Variants in IQGAP2 observed in about 807,000 individuals in gnomAD.
IQGAP2 encodes the protein ras GTPase-activating-like protein IQGAP2.
Under a neutral mutation model 201.3 loss-of-function variants are expected in IQGAP2, and 173 were observed. The ratio of observed to expected loss-of-function variants is 0.86; its 90% CI spans 0.76 to 0.98. The LOEUF (loss-of-function observed/expected upper bound fraction) is 0.98. Ranked by LOEUF, IQGAP2 falls within the 50% of genes least tolerant of loss-of-function variation. The pLI, the probability that IQGAP2 is intolerant of heterozygous loss-of-function variation, is 0.00. For missense variants in IQGAP2, 1,687 were observed against 1,864.8 expected, an observed-to-expected ratio of 0.90 and a Z score of 1.76; for synonymous variants, 675 against 673.9, an observed-to-expected ratio of 1.00 and a Z score of -0.03.
intron 2 of IQGAP2, among the ~76,000 whole-genome samples, chr5:76,529,180 T>G (rs956238354): frequency 6.6e-6 from 1 of 152,218 alleles, no homozygotes; most frequent in Non-Finnish European, 1.5e-5. Context: ...GATATCTGGT[T>G]AGTTTCTTTG....
chr5:76,521,147 G>T (rs1758658273), intron 2 of IQGAP2, among the ~76,000 whole-genome samples: 1 of 152,104 alleles, frequency 6.6e-6, no homozygotes, highest in East Asian at 1.9e-4. Context: ...CTTCCTAACA[G>T]AAATGTTTTC....
rs369242914 is a variant in IQGAP2, at chr5:76,673,429, T to C, written c.3069-20T>C. On this transcript the variant is annotated intron_variant, in intron 24 of 35. Transcript: ENST00000274364. ...CTTGTACCTAAGCCTCCAGTTAATT[T>C]AAAGCCTTTGTGTTTTCAGCAAGTT... is the stretch of plus-strand genomic sequence containing the variant. The C allele has an allele frequency of 2.1e-5, 34 of 1,608,230 alleles. No homozygotes were observed. In the African/African-American group the frequency reaches 4.6e-4, roughly 22 times the overall value.
intron 13 of IQGAP2, chr5:76,617,829 T>A (rs1226480073): frequency 2.5e-6 from 4 of 1,613,890 alleles, no homozygotes; most frequent in Admixed American, 3.3e-5. Context: ...CCATCTATGA[T>A]CGTATGCATT....
chr5:76,437,335 G>A (rs567652188), intron 1 of IQGAP2, among the ~76,000 whole-genome samples: 2 of 152,076 alleles, frequency 1.3e-5, no homozygotes, highest in South Asian at 4.2e-4. Context: ...TTATAGGCGT[G>A]AGCCACCATG....
intron 20 of IQGAP2, among the ~76,000 whole-genome samples, 196 bp from the exon 21 acceptor site, chr5:76,658,263 T>G (rs903906087): frequency 3.3e-5 from 5 of 152,104 alleles, no homozygotes; most frequent in Non-Finnish European, 7.4e-5. Context: ...CAGATATCTG[T>G]TTTGTGCGTT....
intron 2 of IQGAP2, among the ~76,000 whole-genome samples, chr5:76,489,420 C>T (rs1343347655): frequency 6.6e-6 from 1 of 152,128 alleles, no homozygotes; most frequent in Non-Finnish European, 1.5e-5. Flanking sequence ...ACCCCACCCC[C>T]ATCCCTGACC....
At position 76,591,383 on chromosome 5, in the gene IQGAP2, C is replaced by G. The variant is rs545884405; in HGVS notation, c.819+797C>G. 2.7e-5 allele frequency among the ~76,000 whole-genome samples: 4 copies of G among 150,532 alleles called. No individual in the cohort carries two copies. In the East Asian group the frequency reaches 7.7e-4, roughly 29 times the overall value. ...AGGATGTCCCTCCTGTACAAGACAG[C>G]CTGCTCCTAATCGTAACTCCATTTG... On this transcript the variant is annotated intron_variant, in intron 8 of 35. Coordinates refer to ENST00000274364, the MANE Select transcript of IQGAP2 (RefSeq NM_006633.5).
intron 1 of IQGAP2, among the ~76,000 whole-genome samples, chr5:76,446,807 C>T (rs1000012932): frequency 2.0e-5 from 3 of 152,300 alleles, no homozygotes; most frequent in East Asian, 1.9e-4. Context: ...TATGAACAGA[C>T]TTAGCATATC....
At chr5:76,457,044 C>T in intron 1 of IQGAP2, among the ~76,000 whole-genome samples, 1 of 152,212 alleles carries the variant, frequency 6.6e-6, no homozygotes, top group East Asian at 1.9e-4. Flanking sequence ...GGCTGGAATA[C>T]AGTGGCGCGA....
chr5:76,586,348 TAA>T (rs532292018), intron 5 of IQGAP2, among the ~76,000 whole-genome samples: 18 of 141,598 alleles, frequency 1.3e-4, no homozygotes, highest in African/African-American at 1.8e-4. Context: ...ACACATATGG[TAA>T]AAAAAAAAAA....
intron 14 of IQGAP2, among the ~76,000 whole-genome samples, chr5:76,631,544 A>G (rs1006688265): frequency 2.0e-5 from 3 of 152,316 alleles, no homozygotes; most frequent in East Asian, 1.9e-4. Context: ...TTACAGCTAC[A>G]TATCTATGTT....
intron 9 of IQGAP2, among the ~76,000 whole-genome samples, chr5:76,596,560 A>T (rs1309349862): frequency 6.6e-6 from 1 of 152,188 alleles, no homozygotes; most frequent in African/African-American, 2.4e-5. Context: ...AGACTGGGTA[A>T]TTTATGAAGA....
intron 22 of IQGAP2, among the ~76,000 whole-genome samples, chr5:76,667,116 A>G (rs993003366): frequency 1.3e-5 from 2 of 152,142 alleles, no homozygotes; most frequent in African/African-American, 2.4e-5. Flanking sequence ...TCTCTTCAGT[A>G]TGAACCTAAA....
intron 1 of IQGAP2, 70 bp from the exon 2 acceptor site, chr5:76,461,500 T>A: frequency 9.8e-7 from 1 of 1,025,068 alleles, no homozygotes. Flanking sequence ...GATTTTTTTC[T>A]GATTGATTGT....
At chr5:76,632,666 A>G (rs2150386548) in intron 15 of IQGAP2, among the ~76,000 whole-genome samples, 1 of 152,254 alleles carries the variant, frequency 6.6e-6, no homozygotes, top group South Asian at 2.1e-4. Flanking sequence ...TTTATTAAGC[A>G]CCTACTATTT....
intron 2 of IQGAP2, among the ~76,000 whole-genome samples, chr5:76,468,248 G>C (rs574507131): frequency 6.6e-6 from 1 of 152,182 alleles, no homozygotes; most frequent in South Asian, 2.1e-4. Flanking sequence ...AGATACACGA[G>C]ATATCTAAAT....
chr5:76,650,919 A>C (rs1198504080), intron 17 of IQGAP2, among the ~76,000 whole-genome samples: 4 of 152,176 alleles, frequency 2.6e-5, no homozygotes, highest in Non-Finnish European at 5.9e-5. Flanking sequence ...ATACTTATAT[A>C]TGGGGCTTTT....
At chr5:76,695,200 A>G (rs1244010142) in intron 31 of IQGAP2, among the ~76,000 whole-genome samples, 1 of 152,190 alleles carries the variant, frequency 6.6e-6, no homozygotes, top group East Asian at 1.9e-4. Flanking sequence ...TATGTCCATT[A>G]CTATAGTGAT....
At chr5:76,416,883 C>T (rs1751437330) in intron 1 of IQGAP2, among the ~76,000 whole-genome samples, 1 of 152,130 alleles carries the variant, frequency 6.6e-6, no homozygotes, top group South Asian at 2.1e-4. Flanking sequence ...GGCTGGAGTG[C>T]AGTGACATCA....
Sources: allele counts gnomAD v4.1 joint callset (sites outside exome capture counted in the v4.1 genomes callset), GRCh38; gene constraint gnomAD v4.1.1; transcripts MANE v1.5; gene names NCBI Gene and HGNC (gene_info 2026-07-23, HGNC 2026-07-21).